Variants in PHF3 observed in about 807,000 individuals in gnomAD.
The protein encoded by PHF3 is PHD finger protein 3.
Under a neutral mutation model 178.4 loss-of-function variants are expected in PHF3, and 41 were observed. That is an observed-to-expected ratio of 0.23 (90% CI 0.18 to 0.30). The LOEUF (loss-of-function observed/expected upper bound fraction) is 0.30, where lower values mean the gene tolerates loss of function less well. Among genes scored for constraint, PHF3 ranks in the 10% least tolerant of loss-of-function variants. The pLI, the probability that PHF3 is intolerant of heterozygous loss-of-function variation, is 1.00. For synonymous variants in PHF3, 842 were observed against 800.5 expected, an observed-to-expected ratio of 1.05 and a Z score of -0.88; for missense variants, 2,346 against 2,398.1, an observed-to-expected ratio of 0.98 and a Z score of 0.45.
intron 9 of PHF3, 85 bp from the exon 10 acceptor site, chr6:63,702,423 T>C: frequency 1.1e-6 from 1 of 890,672 alleles, no homozygotes; most frequent in Non-Finnish European, 1.6e-6. Flanking sequence ...TTTGTTTATT[T>C]TTAGGTAAGC....
At chr6:63,673,229 C>G (rs1392666026) in intron 2 of PHF3, among the ~76,000 whole-genome samples, 1 of 151,998 alleles carries the variant, frequency 6.6e-6, no homozygotes, top group Non-Finnish European at 1.5e-5. Context: ...GAGGTGCAGA[C>G]CCAATAAGTA....
chr6:63,721,276 TATTC>T lies in PHF3; in HGVS notation c.*7570_*7573del. 6.4e-7 allele frequency: 1 copy of T among 1,551,976 alleles called. No individual in the cohort carries two copies. Among genetic ancestry groups the T allele is most frequent in the Non-Finnish European group, 8.7e-7 (1 of 1,146,994 alleles). The stretch of plus-strand genomic sequence containing the variant: ...CATAAAGATTGGTGGAGGCAAAGAT[TATTC>T]AAACAGGACACAGACTGGTTACATG... On this transcript the variant is annotated 3_prime_UTR_variant, in exon 16 of 16. Coordinates refer to ENST00000262043, the MANE Select transcript of PHF3 (RefSeq NM_001370348.2).
Position 63,684,419 on chromosome 6 carries a change from G to A in PHF3, c.697G>A (p.Gly233Arg), listed in dbSNP as rs114037821. Reference protein sequence around the residue: ...SSCLEMKDEDGLDSKHKCNNP... With the variant: ...SSCLEMKDEDRLDSKHKCNNP... Reference sequence around the variant, plus strand: ...TTGTCTTGAAATGAAGGATGAAGATGGATTAGATTCTAAGCATAAGTGTAA... The same window carrying A: ...TTGTCTTGAAATGAAGGATGAAGATAGATTAGATTCTAAGCATAAGTGTAA... The change falls in exon 4 of 16, where the codon GGA (glycine) becomes AGA (arginine). Residue 233 changes from glycine (G) to arginine (R), a missense_variant. By Grantham distance (125) the Gly-to-Arg change is moderately radical. Around this residue, in one of 8 missense-constraint regions of PHF3, gnomAD observed 843 missense variants for 795.2 expected, o/e 1.06. Transcript: ENST00000262043. 2,147 of 1,613,986 alleles carry A rather than the reference G, an allele frequency of 1.3e-3. 27 individuals are homozygous for A. In the African/African-American group the frequency reaches 0.023, roughly 18 times the overall value.
At chr6:63,679,974 T>C (rs1766354798) in intron 2 of PHF3, 26 bp from the exon 3 acceptor site, 2 of 1,594,500 alleles carry the variant, frequency 1.3e-6, no homozygotes, top group Non-Finnish European at 1.7e-6. Context: ...TTTTTAAAAG[T>C]TAATTTTTTT....
At chr6:63,639,768 A>G (rs754678013) in intron 1 of PHF3, among the ~76,000 whole-genome samples, 4 of 152,206 alleles carry the variant, frequency 2.6e-5, no homozygotes, top group Non-Finnish European at 5.9e-5. Context: ...CATACGATAC[A>G]CAGGGCCTGG....
rs1410839809 is a variant in PHF3 at position 63,725,141 on chromosome 6, T to C, written c.*11433T>C. 6.6e-6 allele frequency among the ~76,000 whole-genome samples: 1 copy of C among 152,170 alleles called. No homozygotes were observed. The highest frequency in any genetic ancestry group is 1.5e-5 in the Non-Finnish European group (1 of 67,982). ...TTTAAAAATTTTCATGATTTTCTTA[T>C]ATAAGTGTCAAATGCAGCATCAATC... On this transcript the variant is annotated 3_prime_UTR_variant, in exon 16 of 16. Coordinates refer to ENST00000262043, the MANE Select transcript of PHF3 (RefSeq NM_001370348.2).
At chr6:63,660,253 T>C (rs886884024) in intron 2 of PHF3, among the ~76,000 whole-genome samples, 2 of 152,050 alleles carry the variant, frequency 1.3e-5, no homozygotes, top group African/African-American at 4.8e-5. Context: ...TCTAAAGATG[T>C]GCCTTTGATA....
At chr6:63,649,526 T>A (rs1481322010) in intron 2 of PHF3, among the ~76,000 whole-genome samples, 1 of 152,208 alleles carries the variant, frequency 6.6e-6, no homozygotes, top group Non-Finnish European at 1.5e-5. Flanking sequence ...TTTTCTGTTA[T>A]GATGAACCAG....
intron 1 of PHF3, among the ~76,000 whole-genome samples, chr6:63,645,251 T>G (rs1284009791): frequency 6.6e-6 from 1 of 152,124 alleles, no homozygotes; most frequent in Non-Finnish European, 1.5e-5. Context: ...AGGGTAACAC[T>G]TACTAATGGG....
rs376024817 is a variant in PHF3 at position 63,639,172 on chromosome 6, G to T, written c.-26+3022G>T. 2.5e-3 allele frequency among the ~76,000 whole-genome samples: 382 copies of T among 152,242 alleles called. 2 individuals carry two copies. The highest frequency in any genetic ancestry group is 0.02 in the Middle Eastern group (6 of 294). ...TATGACTATTATACAGTGAAGAGTG[G>T]ATATAGAGAAATAGTTCAGTAAAAA... On this transcript the variant is annotated intron_variant, in intron 1 of 15. Coordinates refer to ENST00000262043, the MANE Select transcript of PHF3 (RefSeq NM_001370348.2).
chr6:63,653,693 T>C (rs1347291745), intron 2 of PHF3, among the ~76,000 whole-genome samples: 1 of 152,154 alleles, frequency 6.6e-6, no homozygotes, highest in Admixed American at 6.6e-5. Context: ...CGAATGAAAA[T>C]GGGCATCCTT....
intron 2 of PHF3, among the ~76,000 whole-genome samples, chr6:63,655,000 C>G (rs749285040): frequency 1.0e-4 from 15 of 147,486 alleles, no homozygotes; most frequent in Non-Finnish European, 1.5e-4. Context: ...CTCAAGTGAT[C>G]CTCCCACCTC....
rs1339394682 is a variant in PHF3 at position 63,717,056 on chromosome 6, T to A, written c.*3348T>A. ...TTGTAGTTTATTGTGGGTGAATTAA[T>A]CTGAAATCTTTATAGAATAGCTAAG... On this transcript the variant is annotated 3_prime_UTR_variant, in exon 16 of 16. Coordinates refer to ENST00000262043, the MANE Select transcript of PHF3 (RefSeq NM_001370348.2). Among the ~76,000 whole-genome samples the A allele has an allele frequency of 6.6e-6, 1 of 152,080 alleles. No homozygotes were observed. The highest frequency in any genetic ancestry group is 1.5e-5 in the Non-Finnish European group (1 of 68,000).
intron 6 of PHF3, among the ~76,000 whole-genome samples, chr6:63,695,753 C>T (rs1767204812): frequency 6.6e-6 from 1 of 152,056 alleles, no homozygotes; most frequent in Non-Finnish European, 1.5e-5. Context: ...GAGTAGTAGT[C>T]AGATTCACAT....
chr6:63,709,029 TTTA>T, intron 13 of PHF3, 119 bp from the exon 14 acceptor site: 1 of 543,304 alleles, frequency 1.8e-6, no homozygotes. Context: ...TCATAATCTC[TTTA>T]TTTACTTGTT....
intron 9 of PHF3, among the ~76,000 whole-genome samples, chr6:63,700,772 T>TG (rs1419140054): frequency 6.6e-6 from 1 of 152,072 alleles, no homozygotes; most frequent in Non-Finnish European, 1.5e-5. Context: ...TTAGTAGAGG[T>TG]GGGGTTTTAC....
intron 9 of PHF3, among the ~76,000 whole-genome samples, chr6:63,701,852 G>T (rs913035135): frequency 2.6e-5 from 4 of 152,056 alleles, no homozygotes; most frequent in Admixed American, 6.6e-5. Flanking sequence ...ATGCCAGCTT[G>T]TTCTTTCTTA....
Position 63,720,395 on chromosome 6 carries a change from A to G in PHF3, c.*6687A>G. ...ATGGAGTTAAAACATGAATCAAAAT[A>G]TATACAGATAAATTAGATGTAGGAA... On this transcript the variant is annotated 3_prime_UTR_variant, in exon 16 of 16. Coordinates refer to ENST00000262043, the MANE Select transcript of PHF3 (RefSeq NM_001370348.2). 2.0e-6 allele frequency: 1 copy of G among 505,990 alleles called. No homozygotes were observed. Among genetic ancestry groups the G allele is most frequent in the Admixed American group, 3.7e-5 (1 of 26,718 alleles). 31.3% of individuals were successfully genotyped at this position (505,990 alleles called of 1,614,324 possible).
At chr6:63,706,644 T>C (rs1767706398) in intron 12 of PHF3, 85 bp from the exon 13 acceptor site, 3 of 1,338,646 alleles carry the variant, frequency 2.2e-6, no homozygotes, top group Non-Finnish European at 2.1e-6. Flanking sequence ...CTTCTTCACA[T>C]GCTAAAATAC....
Sources: gnomAD v4.1 joint callset for allele counts (sites outside exome capture counted in the v4.1 genomes callset) on GRCh38, gnomAD v4.1.1 for gene constraint, gnomAD v4.1.1 regional missense constraint, MANE v1.5 for transcripts, NCBI Gene and HGNC (gene_info 2026-07-23, HGNC 2026-07-21) for gene names.